DDX10: variants seen among roughly 807,000 people sequenced by gnomAD.
The protein encoded by DDX10 is probable ATP-dependent RNA helicase DDX10.
In DDX10, 74 loss-of-function variants were observed where a neutral mutation model predicts 104.3. That is an observed-to-expected ratio of 0.71 (90% CI 0.59 to 0.86). The LOEUF is 0.86. Ranked by LOEUF, DDX10 falls within the 40% of genes least tolerant of loss-of-function variation. DDX10 has a pLI of 0.00. For synonymous variants in DDX10, 351 were observed against 353.4 expected, an observed-to-expected ratio of 0.99 and a Z score of 0.08; for missense variants, 952 against 1,040.0, an observed-to-expected ratio of 0.92 and a Z score of 1.16.
At chr11:108,685,666 G>A (rs1042819038) in intron 6 of DDX10, among the ~76,000 whole-genome samples, 11 of 152,148 alleles carry the variant, frequency 7.2e-5, no homozygotes, top group Admixed American at 4.6e-4. Flanking sequence ...CAGTGGACAG[G>A]CCTTTTTAAA....
intron 13 of DDX10, among the ~76,000 whole-genome samples, chr11:108,757,292 A>T (rs1221612115): frequency 6.6e-6 from 1 of 152,036 alleles, no homozygotes; most frequent in African/African-American, 2.4e-5. Context: ...AACTGTTACC[A>T]ACTTTTGTGT....
At chr11:108,711,485 G>T (rs1302445725) in intron 10 of DDX10, among the ~76,000 whole-genome samples, 1 of 151,998 alleles carries the variant, frequency 6.6e-6, no homozygotes, top group African/African-American at 2.4e-5. Flanking sequence ...GACACGTGCC[G>T]CCATGCCTGG....
intron 13 of DDX10, among the ~76,000 whole-genome samples, chr11:108,748,037 G>A (rs542464424): frequency 6.6e-6 from 1 of 152,016 alleles, no homozygotes; most frequent in African/African-American, 2.4e-5. Flanking sequence ...TATAAACTTT[G>A]GACACAGTAT....
chr11:108,869,512 T>C (rs1382258195), intron 16 of DDX10, among the ~76,000 whole-genome samples: 1 of 152,186 alleles, frequency 6.6e-6, no homozygotes, highest in Non-Finnish European at 1.5e-5. Context: ...TGCATTTTTA[T>C]TGATAAGCTT....
chr11:108,700,793 A>T (rs1449421523), intron 9 of DDX10, among the ~76,000 whole-genome samples: 1 of 152,048 alleles, frequency 6.6e-6, no homozygotes, highest in East Asian at 1.9e-4. Flanking sequence ...TATTTCCTGG[A>T]AGTATAATTT....
chr11:108,902,444 C>T (rs754263963), intron 16 of DDX10, among the ~76,000 whole-genome samples: 9 of 152,150 alleles, frequency 5.9e-5, no homozygotes, highest in Non-Finnish European at 1.3e-4. Context: ...GTCAAACGTA[C>T]TGGGATTTCT....
At chr11:108,822,489 C>A in intron 13 of DDX10, 1 of 292,832 alleles carries the variant, frequency 3.4e-6, no homozygotes, top group Non-Finnish European at 6.6e-6. Flanking sequence ...TGCCTTTGTT[C>A]TTATTGGTGT....
chr11:108,685,651 C>T (rs947205389), intron 6 of DDX10, among the ~76,000 whole-genome samples: 4 of 152,156 alleles, frequency 2.6e-5, no homozygotes, highest in African/African-American at 9.7e-5. Context: ...TTGTGTTAAG[C>T]TTTACAGTGG....
chr11:108,665,444 C>G, intron 1 of DDX10, 105 bp downstream of exon 1: 1 of 1,349,138 alleles, frequency 7.4e-7, no homozygotes, highest in East Asian at 2.7e-5. Flanking sequence ...TCACCGGGAC[C>G]CGGCCGGGAA....
intron 1 of DDX10, among the ~76,000 whole-genome samples, chr11:108,672,240 T>C (rs145650400): frequency 5.8e-4 from 88 of 152,294 alleles, no homozygotes; most frequent in African/African-American, 2.0e-3. Flanking sequence ...TTGCCTGTAC[T>C]GTGTCTCTTG....
At chr11:108,820,374 T>A (rs1591826992) in intron 13 of DDX10, among the ~76,000 whole-genome samples, 1 of 152,162 alleles carries the variant, frequency 6.6e-6, no homozygotes, top group South Asian at 2.1e-4. Flanking sequence ...AAAGCCAGGA[T>A]CAGGTAGGGG....
At chr11:108,739,031 GA>G (rs1360119099) in intron 13 of DDX10, among the ~76,000 whole-genome samples, 2 of 152,142 alleles carry the variant, frequency 1.3e-5, no homozygotes, top group African/African-American at 4.8e-5. Context: ...CCCTGAGGGA[GA>G]AGTTATCTTT....
chr11:108,773,242 G>A (rs937259638), intron 13 of DDX10, among the ~76,000 whole-genome samples: 3 of 152,150 alleles, frequency 2.0e-5, no homozygotes, highest in Non-Finnish European at 2.9e-5. Context: ...CTCATCATTT[G>A]AGTGAAATCT....
intron 6 of DDX10, among the ~76,000 whole-genome samples, chr11:108,681,554 A>G (rs2094235259): frequency 6.6e-6 from 1 of 152,218 alleles, no homozygotes; most frequent in South Asian, 2.1e-4. Context: ...ATAATCAAGA[A>G]TATTTTAAGG....
At chr11:108,755,236 C>CA (rs2094343117) in intron 13 of DDX10, among the ~76,000 whole-genome samples, 1 of 152,040 alleles carries the variant, frequency 6.6e-6, no homozygotes, top group Admixed American at 6.6e-5. Context: ...ATAACACAAG[C>CA]AAGAACACAA....
chr11:108,753,968 T>C (rs2094341519), intron 13 of DDX10, among the ~76,000 whole-genome samples: 1 of 152,068 alleles, frequency 6.6e-6, no homozygotes, highest in Non-Finnish European at 1.5e-5. Flanking sequence ...TATTATTGGC[T>C]GTCTTTTCCC....
In DDX10 at chr11:108,665,129, C is replaced by T; in HGVS notation, c.-25C>T. The T allele has an allele frequency of 1.3e-6, 2 of 1,593,448 alleles. No individual in the cohort carries two copies. Among genetic ancestry groups the T allele is most frequent in the Non-Finnish European group, 8.5e-7 (1 of 1,170,918 alleles). On this transcript the variant is annotated 5_prime_UTR_variant, in exon 1 of 18. Transcript: ENST00000322536. ...TAGGTGTCTCGTGTCTGGGGTTGAT[C>T]CGAGCTGTCGCCGCCGCCGCCGCAA...
At chr11:108,691,426 C>T (rs2094252353) in intron 7 of DDX10, among the ~76,000 whole-genome samples, 2 of 152,198 alleles carry the variant, frequency 1.3e-5, no homozygotes, top group Admixed American at 6.5e-5. Context: ...TAGTCCCACA[C>T]ATTGAGATAT....
At chr11:108,745,212 C>CT (rs1422601873) in intron 13 of DDX10, among the ~76,000 whole-genome samples, 1 of 132,066 alleles carries the variant, frequency 7.6e-6, no homozygotes, top group Non-Finnish European at 1.6e-5. Context: ...CGTTTCCTTC[C>CT]TTCCTTTCCT....
Sources: allele counts gnomAD v4.1 joint callset (sites outside exome capture counted in the v4.1 genomes callset), GRCh38; gene constraint gnomAD v4.1.1; transcripts MANE v1.5; gene names NCBI Gene and HGNC (gene_info 2026-07-23, HGNC 2026-07-21).